Variants in SUPT3H observed in about 807,000 individuals in gnomAD.
The protein encoded by SUPT3H is transcription initiation protein SPT3 homolog.
SUPT3H carries 44 observed loss-of-function variants against 44.3 expected under a neutral mutation model. The ratio of observed to expected loss-of-function variants is 0.99; its 90% confidence interval spans 0.78 to 1.28. The LOEUF is 1.28. Among genes scored for constraint, SUPT3H ranks in the 50% most tolerant of loss-of-function variants. The probability of loss-of-function intolerance (pLI) is 0.00; values close to 1 mark genes in which losing one functional copy is unlikely to be tolerated. For synonymous variants in SUPT3H, 124 were observed against 125.6 expected (o/e 0.99, Z 0.09); for missense variants, 380 against 387.1 (o/e 0.98, Z 0.15).
At chr6:44,901,838 T>C (rs1358029072) in intron 10 of SUPT3H, among the ~76,000 whole-genome samples, 1 of 152,202 alleles carries the variant, frequency 6.6e-6, no homozygotes, top group Non-Finnish European at 1.5e-5. Context: ...CCAGAAACTC[T>C]ACAAGCCAGA....
chr6:45,153,088 C>T (rs1376741873), intron 2 of SUPT3H, among the ~76,000 whole-genome samples: 1 of 152,146 alleles, frequency 6.6e-6, no homozygotes, highest in Non-Finnish European at 1.5e-5. Context: ...GATCTTAGCT[C>T]AAATATCACC....
Position 44,953,403 on chromosome 6 carries a change from AGCCAGATCCACTAACTAG to A in SUPT3H, c.694-4_707del, listed in dbSNP as rs1774620512. 1 of 1,614,054 alleles carries A rather than the reference AGCCAGATCCACTAACTAG, an allele frequency of 6.2e-7. No homozygotes were observed. The highest frequency in any genetic ancestry group is 8.5e-7 in the Non-Finnish European group (1 of 1,179,914). ...TTACCATGTCTTGCCTCACAAGAAGAGCCAGATCCACTAACTAGAAGACCAGAAGAATGAAAGTCACAT... is the reference window on the plus strand; with the variant it reads ...TTACCATGTCTTGCCTCACAAGAAGAAAGACCAGAAGAATGAAAGTCACAT... On this transcript the variant is annotated splice_acceptor_variant and splice_polypyrimidine_tract_variant and coding_sequence_variant and intron_variant, in exon 9 of 11. Transcript: ENST00000371459. LOFTEE classifies it high-confidence loss of function.
At chr6:45,066,181 A>G (rs565294518) in intron 3 of SUPT3H, among the ~76,000 whole-genome samples, 1 of 150,210 alleles carries the variant, frequency 6.7e-6, no homozygotes, top group Non-Finnish European at 1.5e-5. Flanking sequence ...AATGTAATCC[A>G]GCATATAAAC....
At chr6:45,239,103 G>C (rs981183675) in intron 2 of SUPT3H, among the ~76,000 whole-genome samples, 22 of 152,132 alleles carry the variant, frequency 1.4e-4, no homozygotes, top group African/African-American at 3.9e-4. Context: ...TTGAGGTATT[G>C]ACTGCTTTTA....
chr6:45,289,758 A>G (rs1779998260), intron 2 of SUPT3H, among the ~76,000 whole-genome samples: 1 of 152,250 alleles, frequency 6.6e-6, no homozygotes, highest in African/African-American at 2.4e-5. Flanking sequence ...TAAGTTTCAC[A>G]GGTAAGGATG....
At chr6:45,045,561 G>A (rs1310493808) in intron 3 of SUPT3H, among the ~76,000 whole-genome samples, 2 of 152,118 alleles carry the variant, frequency 1.3e-5, no homozygotes, top group African/African-American at 2.4e-5. Flanking sequence ...AGACACTGGG[G>A]TTTTCTAAAT....
At chr6:45,139,692 C>A (rs906867544) in intron 2 of SUPT3H, among the ~76,000 whole-genome samples, 1 of 152,066 alleles carries the variant, frequency 6.6e-6, no homozygotes, top group Admixed American at 6.6e-5. Flanking sequence ...GGGAGCCACA[C>A]GAAATATAAA....
At chr6:45,258,476 G>A (rs542227954) in intron 2 of SUPT3H, among the ~76,000 whole-genome samples, 2 of 152,144 alleles carry the variant, frequency 1.3e-5, no homozygotes, top group Admixed American at 6.5e-5. Flanking sequence ...ATCTGCAACA[G>A]GTATAAACAA....
At chr6:45,030,685 G>T (rs1451769608) in intron 3 of SUPT3H, among the ~76,000 whole-genome samples, 1 of 152,150 alleles carries the variant, frequency 6.6e-6, no homozygotes, top group African/African-American at 2.4e-5. Context: ...CAAATGGAAA[G>T]AATAAAGTCC....
rs902306699 is a variant in SUPT3H, at chr6:44,870,788, C to T, written c.913-40931G>A. The stretch of plus-strand genomic sequence containing the variant: ...GAGAGTGGGCGCAGGCCAGTGTGTG[C>T]GCGCACCCTGCGCGAGCTGAAGCAG... On this transcript the variant is annotated intron_variant, in intron 10 of 10. Coordinates refer to ENST00000371459, the MANE Select transcript of SUPT3H (RefSeq NM_003599.4). Among the ~76,000 whole-genome samples the T allele has an allele frequency of 2.9e-4, 43 of 150,770 alleles. No individual in the cohort carries two copies. The South Asian group carries it at 4.5e-3, about 16-fold the overall frequency.
chr6:45,288,520 TAA>T (rs1400924107), intron 2 of SUPT3H, among the ~76,000 whole-genome samples: 3 of 141,292 alleles, frequency 2.1e-5, no homozygotes, highest in Admixed American at 7.2e-5. Context: ...TTACACACAA[TAA>T]GAGATACAAT....
chr6:44,905,106 A>G (rs1378685348), intron 10 of SUPT3H, among the ~76,000 whole-genome samples: 2 of 152,144 alleles, frequency 1.3e-5, no homozygotes, highest in African/African-American at 2.4e-5. Flanking sequence ...GGACATAGGC[A>G]TGGGCAAGGA....
chr6:44,902,183 T>C (rs1437681939), intron 10 of SUPT3H, among the ~76,000 whole-genome samples: 2 of 152,108 alleles, frequency 1.3e-5, no homozygotes, highest in Non-Finnish European at 2.9e-5. Flanking sequence ...ATATTAACCT[T>C]AAATGTAAAT....
chr6:45,022,113 G>T (rs920225089), intron 3 of SUPT3H, among the ~76,000 whole-genome samples: 4 of 151,800 alleles, frequency 2.6e-5, no homozygotes. Context: ...AAGAATATGG[G>T]CTATATATAC....
intron 5 of SUPT3H, among the ~76,000 whole-genome samples, chr6:45,014,150 C>G (rs1783895003): frequency 1.3e-5 from 2 of 151,950 alleles, no homozygotes; most frequent in South Asian, 4.1e-4. Flanking sequence ...TTTCTATCAA[C>G]TGTTTTTTTT....
chr6:44,906,299 T>C (rs965579589), intron 10 of SUPT3H, among the ~76,000 whole-genome samples: 1 of 152,210 alleles, frequency 6.6e-6, no homozygotes, highest in African/African-American at 2.4e-5. Flanking sequence ...TTATCTTCAG[T>C]ATATTTAATA....
intron 2 of SUPT3H, among the ~76,000 whole-genome samples, chr6:45,241,399 G>A (rs1315005103): frequency 6.6e-6 from 1 of 152,190 alleles, no homozygotes; most frequent in Non-Finnish European, 1.5e-5. Context: ...ACAAATAATG[G>A]CATGAGCAAT....
chr6:44,844,643 G>T (rs1330544451), intron 10 of SUPT3H, among the ~76,000 whole-genome samples: 1 of 151,938 alleles, frequency 6.6e-6, no homozygotes, highest in Non-Finnish European at 1.5e-5. Context: ...GACTCAAAGG[G>T]GTACATATAT....
chr6:44,982,636 A>T (rs1363659552), intron 6 of SUPT3H, among the ~76,000 whole-genome samples: 1 of 152,168 alleles, frequency 6.6e-6, no homozygotes, highest in Non-Finnish European at 1.5e-5. Flanking sequence ...TCAAAGATAC[A>T]GCTATGTACT....
Sources: allele counts gnomAD v4.1 joint callset (sites outside exome capture counted in the v4.1 genomes callset), GRCh38; gene constraint gnomAD v4.1.1; transcripts MANE v1.5; gene names NCBI Gene and HGNC (gene_info 2026-07-23, HGNC 2026-07-21).